The following TESPA1 variants were observed in gnomAD, a reference collection of about 807,000 sequenced individuals.
The protein encoded by TESPA1 is thymocyte expressed, positive selection associated 1.
Under a neutral mutation model 57.9 loss-of-function variants are expected in TESPA1, and 33 were observed. The observed-to-expected ratio is 0.57, with a 90% CI of 0.43 to 0.76. The LOEUF (loss-of-function observed/expected upper bound fraction) is 0.76. TESPA1 is among the 30% of genes least tolerant of loss of function. The pLI, the probability that TESPA1 is intolerant of heterozygous loss-of-function variation, is 0.00. For missense variants in TESPA1, 618 were observed against 632.9 expected (o/e 0.98, Z 0.25); for synonymous variants, 227 against 228.9 (o/e 0.99, Z 0.07).
chr12:54,955,203 T>C (rs915256990), intron 10 of TESPA1, among the ~76,000 whole-genome samples: 7 of 152,240 alleles, frequency 4.6e-5, no homozygotes, highest in Non-Finnish European at 8.8e-5. Flanking sequence ...TCTTTTGATA[T>C]ACCTGTTGTG....
chr12:54,952,894 G>C (rs1950485673), intron 10 of TESPA1, among the ~76,000 whole-genome samples: 2 of 152,040 alleles, frequency 1.3e-5, no homozygotes, highest in Non-Finnish European at 2.9e-5. Flanking sequence ...TTGCCCAAGA[G>C]GAAACCTGTA....
At chr12:54,972,233 T>C (rs1420498260) in intron 3 of TESPA1, among the ~76,000 whole-genome samples, 1 of 152,116 alleles carries the variant, frequency 6.6e-6, no homozygotes, top group South Asian at 2.1e-4. Flanking sequence ...ATTTCTAGAG[T>C]TTATTATCTT....
At chr12:54,969,048 T>TATATATATATAC (rs1348432823) in intron 3 of TESPA1, among the ~76,000 whole-genome samples, 1 of 119,218 alleles carries the variant, frequency 8.4e-6, no homozygotes, top group African/African-American at 3.6e-5. Context: ...TATATATATG[T>TATATATATATAC]GTGTGTGTAG....
chr12:54,949,901 T>A lies in TESPA1; in HGVS notation c.*491A>T, dbSNP rs1418791705. 1.2e-5 allele frequency: 2 copies of A among 163,072 alleles called. No individual in the cohort carries two copies. The highest frequency in any genetic ancestry group is 4.8e-5 in the African/African-American group (2 of 41,618). 10.1% of individuals were successfully genotyped at this position (163,072 alleles called of 1,614,324 possible). On this transcript the variant is annotated 3_prime_UTR_variant, in exon 11 of 11. Transcript: ENST00000449076. ...GGGATGAACAGAGGTGCAGAGGGAA[T>A]CCTAGTGTGAGATGTACCATGCTTT...
intron 10 of TESPA1, among the ~76,000 whole-genome samples, chr12:54,953,346 G>A (rs1357127496): frequency 2.0e-5 from 3 of 151,988 alleles, no homozygotes; most frequent in Non-Finnish European, 4.4e-5. Context: ...GGCATAAGGT[G>A]TAGTTTCCAT....
Position 54,980,140 on chromosome 12 carries a change from T to TA in TESPA1, c.-46+4444dup, listed in dbSNP as rs1021822773. 5.3e-5 allele frequency among the ~76,000 whole-genome samples: 8 copies of TA among 151,298 alleles called. No homozygotes were observed. The South Asian group carries it at 8.3e-4, about 16-fold the overall frequency. On this transcript the variant is annotated intron_variant, in intron 1 of 10. Coordinates refer to ENST00000449076, the MANE Select transcript of TESPA1 (RefSeq NM_001136030.3). The stretch of plus-strand genomic sequence containing the variant: ...GTCACCATCCAATGTAATTTGGGAT[T>TA]AAAAAAAAAGGAGAAGTTATTTTAG...
intron 3 of TESPA1, among the ~76,000 whole-genome samples, chr12:54,968,361 A>G (rs564693122): frequency 6.6e-6 from 1 of 152,316 alleles, no homozygotes; most frequent in Admixed American, 6.5e-5. Context: ...TTATTGCTGA[A>G]TATCATGTCA....
chr12:54,969,799 T>C (rs1449341929), intron 3 of TESPA1, among the ~76,000 whole-genome samples: 1 of 152,214 alleles, frequency 6.6e-6, no homozygotes, highest in East Asian at 1.9e-4. Flanking sequence ...GGGTATTTGT[T>C]ACCCTTGGAA....
chr12:54,965,716 T>C (rs1478621350), intron 7 of TESPA1, among the ~76,000 whole-genome samples: 1 of 152,192 alleles, frequency 6.6e-6, no homozygotes, highest in Non-Finnish European at 1.5e-5. Context: ...TATTGCTTCA[T>C]TCAGTCAACA....
chr12:54,976,574 A>T (rs1432326504), intron 1 of TESPA1, among the ~76,000 whole-genome samples: 2 of 152,028 alleles, frequency 1.3e-5, no homozygotes, highest in Non-Finnish European at 2.9e-5. Context: ...GGGAGGGAGG[A>T]ATATCTGGAT....
rs200200705 is a variant in TESPA1, at chr12:54,974,390, C to G, written c.163+10G>C. On this transcript the variant is annotated intron_variant, in intron 2 of 10. Coordinates refer to ENST00000449076, the MANE Select transcript of TESPA1 (RefSeq NM_001136030.3). ...ACAACATAGACGCCTGTCTGATGTT[C>G]GTCTCTTACCTTCTTGGAAAACGTC... 6.3e-7 allele frequency: 1 copy of G among 1,590,086 alleles called. No homozygotes were observed. Among genetic ancestry groups the G allele is most frequent in the Admixed American group, 1.8e-5 (1 of 57,092 alleles).
In TESPA1 at chr12:54,949,500, T is replaced by C. The variant is rs1409230741; in HGVS notation, c.*892A>G. The C allele has an allele frequency of 2.6e-5, 4 of 152,068 alleles. No individual in the cohort carries two copies. Among genetic ancestry groups the C allele is most frequent in the African/African-American group, 2.4e-5 (1 of 41,390 alleles). 9.4% of individuals were successfully genotyped at this position (152,068 alleles called of 1,614,324 possible). The stretch of plus-strand genomic sequence containing the variant: ...TATTAATATTTTCTCAGGGGAGAAA[T>C]GTGTCCAAGATGCTCTGAAACCACA... On this transcript the variant is annotated 3_prime_UTR_variant, in exon 11 of 11. Transcript: ENST00000449076.
chr12:54,982,438 C>T (rs767693145), intron 1 of TESPA1, among the ~76,000 whole-genome samples: 4 of 152,224 alleles, frequency 2.6e-5, no homozygotes, highest in South Asian at 2.1e-4. Context: ...CACAAATAAG[C>T]GTAGCTGAAT....
intron 10 of TESPA1, among the ~76,000 whole-genome samples, chr12:54,952,895 G>T (rs1179154007): frequency 6.6e-6 from 1 of 152,058 alleles, no homozygotes; most frequent in African/African-American, 2.4e-5. Context: ...TGCCCAAGAG[G>T]AAACCTGTAT....
At position 54,962,611 on chromosome 12, in the gene TESPA1, C is replaced by A; in HGVS notation, c.1287G>T (p.Glu429Asp). 2 of 1,613,974 alleles carry A rather than the reference C, an allele frequency of 1.2e-6. No individual in the cohort carries two copies. Among genetic ancestry groups the A allele is most frequent in the South Asian group, 1.1e-5 (1 of 91,084 alleles). The stretch of plus-strand genomic sequence containing the variant: ...CTCTGCTCTTTCTTTTCCAGAAAGT[C>A]TCATCCTTGGCTGGATGGGTTTCCG... The part of the protein sequence containing the change: ...TNTETHPAKD[E>D]TFWKRKSRAR... Residue 429 changes from glutamate (E) to aspartate (D), a missense_variant, in exon 9 of 11, where the codon GAG becomes GAT. Physicochemically the swap from Glu to Asp is conservative, Grantham distance 45. Around this residue, in one of 3 missense-constraint regions of TESPA1, gnomAD observed 409 missense variants for 420.1 expected, o/e 0.97. Transcript: ENST00000449076.
At chr12:54,961,539 C>A (rs1327772965) in intron 9 of TESPA1, among the ~76,000 whole-genome samples, 1 of 152,206 alleles carries the variant, frequency 6.6e-6, no homozygotes, top group African/African-American at 2.4e-5. Flanking sequence ...GATCCCAACA[C>A]TTCATGGAAG....
intron 10 of TESPA1, among the ~76,000 whole-genome samples, chr12:54,953,492 A>ACTT (rs1950526740): frequency 6.6e-6 from 1 of 150,686 alleles, no homozygotes; most frequent in Admixed American, 6.6e-5. Context: ...ATCTGTCCAG[A>ACTT]CTTACCTTCT....
intron 9 of TESPA1, among the ~76,000 whole-genome samples, chr12:54,962,062 A>T (rs1194931465): frequency 6.6e-6 from 1 of 152,216 alleles, no homozygotes; most frequent in Non-Finnish European, 1.5e-5. Context: ...TTATGGTTAG[A>T]TATTTGTCAA....
chr12:54,976,988 C>G (rs1183929930), intron 1 of TESPA1, among the ~76,000 whole-genome samples: 1 of 152,128 alleles, frequency 6.6e-6, no homozygotes, highest in African/African-American at 2.4e-5. Context: ...GTGTCCAGCT[C>G]TTAACCAGCG....
Sources: gnomAD v4.1 joint callset for allele counts (sites outside exome capture counted in the v4.1 genomes callset) on GRCh38, gnomAD v4.1.1 for gene constraint, gnomAD v4.1.1 regional missense constraint, MANE v1.5 for transcripts, NCBI Gene and HGNC (gene_info 2026-07-23, HGNC 2026-07-21) for gene names.